Variants in KCNN2 observed in about 807,000 individuals in gnomAD.
KCNN2 encodes the protein small conductance calcium-activated potassium channel protein 2.
KCNN2 carries 24 observed loss-of-function variants against 55.5 expected under a neutral mutation model. The ratio of observed to expected loss-of-function variants is 0.43; its 90% CI spans 0.31 to 0.61. The LOEUF (loss-of-function observed/expected upper bound fraction) is 0.61, where lower values mean the gene tolerates loss of function less well. KCNN2 is among the 20% of genes least tolerant of loss of function. The pLI is 0.08. For synonymous variants in KCNN2, 431 were observed against 336.1 expected, an observed-to-expected ratio of 1.28 and a Z score of -3.09; for missense variants, 754 against 853.6, an observed-to-expected ratio of 0.88 and a Z score of 1.45.
intron 2 of KCNN2, among the ~76,000 whole-genome samples, chr5:114,373,323 A>G (rs964729972): frequency 1.3e-5 from 2 of 152,004 alleles, no homozygotes; most frequent in Non-Finnish European, 2.9e-5. Flanking sequence ...AAAAACAATT[A>G]TATAGAAACA....
rs1376300117 is a variant in KCNN2 at position 114,451,423 on chromosome 5, G to A, written c.1638-11626G>A. Among the ~76,000 whole-genome samples, 3 of 152,048 alleles carry A rather than the reference G, an allele frequency of 2.0e-5. No individual in the cohort carries two copies. The East Asian group carries it at 5.8e-4, about 29-fold the overall frequency. ...GAAACCGGACATTTTACAGAACCAT[G>A]CCCCGCCAAACATACGCACACACAC... On this transcript the variant is annotated intron_variant, in intron 3 of 7. Coordinates refer to ENST00000673685, the MANE Select transcript of KCNN2 (RefSeq NM_021614.4).
chr5:114,091,328 G>A (rs373221427), intron 1 of KCNN2, among the ~76,000 whole-genome samples: 3 of 152,028 alleles, frequency 2.0e-5, no homozygotes, highest in African/African-American at 7.2e-5. Context: ...AATCAATATG[G>A]GGAACATGTC....
At chr5:114,248,275 A>G (rs1390973422) in intron 2 of KCNN2, among the ~76,000 whole-genome samples, 3 of 126,288 alleles carry the variant, frequency 2.4e-5, no homozygotes, top group African/African-American at 7.9e-5. Context: ...ATGGAAATTC[A>G]TCATGTTTGG....
At chr5:114,090,012 T>C (rs1751102699) in intron 1 of KCNN2, among the ~76,000 whole-genome samples, 1 of 152,218 alleles carries the variant, frequency 6.6e-6, no homozygotes. Flanking sequence ...CTCATAGTTA[T>C]GCCTCAAGAA....
At chr5:114,405,928 T>G (rs1321492155) in intron 3 of KCNN2, among the ~76,000 whole-genome samples, 3 of 151,930 alleles carry the variant, frequency 2.0e-5, no homozygotes, top group African/African-American at 7.2e-5. Context: ...GCTGGGATGG[T>G]CTCAATCTCC....
At chr5:114,317,978 G>A (rs12654468) in intron 2 of KCNN2, among the ~76,000 whole-genome samples, 22,731 of 152,152 alleles carry the variant, frequency 0.15, 3,209 homozygotes, top group East Asian at 0.79. Context: ...ATGAGCAAAC[G>A]AAAGCAACAG....
At chr5:114,218,866 G>A (rs557747976) in intron 1 of KCNN2, among the ~76,000 whole-genome samples, 11 of 152,308 alleles carry the variant, frequency 7.2e-5, no homozygotes, top group African/African-American at 1.9e-4. Context: ...TTTGAAGCAC[G>A]ATATTTCTCT....
upstream of KCNN2, among the ~76,000 whole-genome samples, chr5:114,357,116 G>A (rs904587800): frequency 9.2e-5 from 14 of 151,900 alleles, no homozygotes; most frequent in Non-Finnish European, 1.8e-4. Flanking sequence ...CAGATGCCAG[G>A]GACCCCTGGT....
intron 1 of KCNN2, among the ~76,000 whole-genome samples, chr5:114,167,611 G>T (rs544838600): frequency 4.6e-5 from 7 of 152,184 alleles, no homozygotes; most frequent in Admixed American, 2.0e-4. Flanking sequence ...AAACTAGAAA[G>T]AGTTACTATC....
chr5:114,193,039 A>C (rs1422910311), intron 1 of KCNN2, among the ~76,000 whole-genome samples: 1 of 152,208 alleles, frequency 6.6e-6, no homozygotes, highest in Non-Finnish European at 1.5e-5. Flanking sequence ...TTAGCAAATA[A>C]AAATACGTCC....
At chr5:114,145,795 G>T (rs1052586845) in intron 1 of KCNN2, among the ~76,000 whole-genome samples, 6 of 152,164 alleles carry the variant, frequency 3.9e-5, no homozygotes. Context: ...GTGACACAGG[G>T]TAGAAGGATC....
intron 5 of KCNN2, among the ~76,000 whole-genome samples, chr5:114,477,383 G>T (rs1762019475): frequency 6.6e-6 from 1 of 152,048 alleles, no homozygotes; most frequent in Non-Finnish European, 1.5e-5. Flanking sequence ...TTGTTTCTCT[G>T]TATGACTACA....
chr5:114,281,826 G>A (rs949427543), intron 2 of KCNN2, among the ~76,000 whole-genome samples: 3 of 151,938 alleles, frequency 2.0e-5, no homozygotes, highest in African/African-American at 2.4e-5. Flanking sequence ...ACTGGATCTG[G>A]TGTCTATGGT....
At chr5:114,486,644 G>A in intron 5 of KCNN2, 5 of 872,926 alleles carry the variant, frequency 5.7e-6, no homozygotes, top group Non-Finnish European at 3.2e-6. Context: ...ATACCAAGCA[G>A]GCTTGCAAAG....
At chr5:114,216,635 T>C (rs1754006354) in intron 1 of KCNN2, among the ~76,000 whole-genome samples, 1 of 152,034 alleles carries the variant, frequency 6.6e-6, no homozygotes, top group Non-Finnish European at 1.5e-5. Flanking sequence ...GGAACATCCT[T>C]AAATTGGTAG....
chr5:114,253,132 C>CTTTTTT (rs35260445), intron 2 of KCNN2, among the ~76,000 whole-genome samples: 9 of 140,432 alleles, frequency 6.4e-5, no homozygotes, highest in Non-Finnish European at 9.1e-5. Context: ...TTCTTGCTTT[C>CTTTTTT]TTTTTTTTTT....
chr5:114,368,326 A>T (rs1757665253), intron 2 of KCNN2, among the ~76,000 whole-genome samples: 1 of 152,218 alleles, frequency 6.6e-6, no homozygotes, highest in Admixed American at 6.5e-5. Context: ...TTATGATGGA[A>T]TAACTCTTTT....
Position 114,362,471 on chromosome 5 carries a change from CCTG to C in KCNN2, c.350_352del (p.Cys117del), listed in dbSNP as rs567706065. Reference sequence around the variant, plus strand: ...ACCTCCTCGCCGCTGTCGGGCTCGTCCTGCTGCTGCTGCTGCTGCTCGTCGCGC... The same window carrying C: ...ACCTCCTCGCCGCTGTCGGGCTCGTCCTGCTGCTGCTGCTGCTCGTCGCGC... On this transcript the variant is annotated inframe_deletion, in exon 1 of 8. Coordinates refer to ENST00000673685, the MANE Select transcript of KCNN2 (RefSeq NM_021614.4). The C allele has an allele frequency of 8.2e-3, 3,532 of 428,952 alleles. No homozygotes were observed. The highest frequency in any genetic ancestry group is 0.014 in the Middle Eastern group (23 of 1,660). 26.6% of individuals were successfully genotyped at this position (428,952 alleles called of 1,614,324 possible). A position where few individuals can be genotyped will look rare whatever the true frequency, so the allele number is the denominator to read the frequency against.
intron 1 of KCNN2, among the ~76,000 whole-genome samples, chr5:114,202,832 T>C (rs909709153): frequency 1.3e-5 from 2 of 152,070 alleles, no homozygotes; most frequent in Non-Finnish European, 2.9e-5. Flanking sequence ...GTGATCTGCC[T>C]GCCTTGGCCT....
Sources: gnomAD v4.1 joint callset for allele counts (sites outside exome capture counted in the v4.1 genomes callset) on GRCh38, gnomAD v4.1.1 for gene constraint, MANE v1.5 for transcripts, NCBI Gene and HGNC (gene_info 2026-07-23, HGNC 2026-07-21) for gene names.